The following GRIN2A variants were observed in gnomAD, a reference collection of about 807,000 sequenced individuals.
GRIN2A encodes the protein glutamate receptor ionotropic, NMDA 2A.
Under a neutral mutation model 113.4 loss-of-function variants are expected in GRIN2A, and 22 were observed. The observed-to-expected ratio is 0.19, with a 90% CI of 0.14 to 0.28. GRIN2A has a LOEUF of 0.28. Among genes scored for constraint, GRIN2A ranks in the 10% least tolerant of loss-of-function variants. The probability of loss-of-function intolerance (pLI) is 1.00; values close to 1 mark genes in which losing one functional copy is unlikely to be tolerated. For missense variants in GRIN2A, 1,502 were observed against 1,887.0 expected, an observed-to-expected ratio of 0.80 and a Z score of 3.78; for synonymous variants, 827 against 738.4, an observed-to-expected ratio of 1.12 and a Z score of -1.94.
chr16:9,794,850 A>G (rs187646815), intron 11 of GRIN2A: 10 of 152,314 alleles, frequency 6.6e-5, no homozygotes, highest in African/African-American at 2.2e-4. Context: ...TGACTACATT[A>G]TTGCCAGTGC....
intron 2 of GRIN2A, among the ~76,000 whole-genome samples, chr16:9,948,953 G>A (rs2045097434): frequency 6.6e-6 from 1 of 152,128 alleles, no homozygotes; most frequent in African/African-American, 2.4e-5. Context: ...TCTATAAAAT[G>A]GACCTGGCAG....
At chr16:10,056,464 T>G (rs1364097280) in intron 2 of GRIN2A, among the ~76,000 whole-genome samples, 1 of 152,216 alleles carries the variant, frequency 6.6e-6, no homozygotes, top group Non-Finnish European at 1.5e-5. Context: ...CATTGCTTCA[T>G]ACATCCATCT....
At chr16:10,076,489 GAC>G (rs1355661431) in intron 2 of GRIN2A, among the ~76,000 whole-genome samples, 1 of 152,168 alleles carries the variant, frequency 6.6e-6, no homozygotes, top group Non-Finnish European at 1.5e-5. Context: ...GCAGGGTGGA[GAC>G]ACATGTCCGT....
intron 2 of GRIN2A, among the ~76,000 whole-genome samples, chr16:10,144,400 C>T (rs1485229187): frequency 6.6e-6 from 1 of 152,124 alleles, no homozygotes; most frequent in Non-Finnish European, 1.5e-5. Flanking sequence ...TGTTGCATCT[C>T]CCTGATGATT....
chr16:9,766,484 G>A (rs1481853358), intron 12 of GRIN2A, among the ~76,000 whole-genome samples: 1 of 152,174 alleles, frequency 6.6e-6, no homozygotes, highest in African/African-American at 2.4e-5. Context: ...TTCATGGTTG[G>A]TGAAGGCCCC....
chr16:10,132,708 CG>C (rs1258055415), intron 2 of GRIN2A, among the ~76,000 whole-genome samples: 1 of 152,170 alleles, frequency 6.6e-6, no homozygotes, highest in East Asian at 1.9e-4. Context: ...GAATTTAGTA[CG>C]TATGTCCTAA....
intron 2 of GRIN2A, among the ~76,000 whole-genome samples, chr16:10,004,491 T>G (rs547918540): frequency 5.3e-5 from 8 of 152,178 alleles, no homozygotes; most frequent in Non-Finnish European, 1.2e-4. Flanking sequence ...CTTAGAGTCA[T>G]GGATGTCAGA....
intron 2 of GRIN2A, chr16:10,171,512 A>T (rs1232280754): frequency 6.6e-6 from 1 of 152,204 alleles, no homozygotes; most frequent in Non-Finnish European, 1.5e-5. Context: ...TTGCCAGGAT[A>T]AAGCTCTCAG....
At position 9,772,177 on chromosome 16, in the gene GRIN2A, C is replaced by T. The variant is rs930518519; in HGVS notation, c.2357-3088G>A. ...TTCTTCCAACAGCCTCCCATGCTTT[C>T]GCACAGTCACAAAGTCATGGGAGAC... On this transcript the variant is annotated intron_variant, in intron 11 of 12. Transcript: ENST00000330684. Among the ~76,000 whole-genome samples, 7 of 152,146 alleles carry T rather than the reference C, an allele frequency of 4.6e-5. No homozygotes were observed. In the South Asian group the frequency reaches 6.2e-4, roughly 14 times the overall value.
At chr16:9,830,364 C>T (rs936956285) in intron 8 of GRIN2A, among the ~76,000 whole-genome samples, 1 of 151,920 alleles carries the variant, frequency 6.6e-6, no homozygotes, top group Admixed American at 6.6e-5. Context: ...CTTAAATGTT[C>T]CTTGCAACAG....
intron 2 of GRIN2A, among the ~76,000 whole-genome samples, chr16:10,171,047 A>C (rs1389754178): frequency 2.0e-5 from 3 of 152,198 alleles, no homozygotes; most frequent in Admixed American, 2.0e-4. Context: ...TCCATCATCC[A>C]ACATCTTAAT....
chr16:9,768,635 C>T (rs1596382285), intron 12 of GRIN2A, among the ~76,000 whole-genome samples: 1 of 152,146 alleles, frequency 6.6e-6, no homozygotes, highest in South Asian at 2.1e-4. Context: ...TCTCATGTCC[C>T]GCCTGCTGCA....
At chr16:9,788,022 G>A (rs1358879931) in intron 11 of GRIN2A, among the ~76,000 whole-genome samples, 1 of 152,136 alleles carries the variant, frequency 6.6e-6, no homozygotes, top group East Asian at 1.9e-4. Context: ...CACCGGAGCC[G>A]AGGAGAAGCA....
At chr16:9,960,717 T>G (rs2045421466) in intron 2 of GRIN2A, among the ~76,000 whole-genome samples, 2 of 152,208 alleles carry the variant, frequency 1.3e-5, no homozygotes, top group Admixed American at 6.5e-5. Context: ...CTCTGCCTCC[T>G]GGGCTCAAAC....
chr16:9,940,685 T>G (rs957519418), intron 2 of GRIN2A, among the ~76,000 whole-genome samples: 2 of 152,146 alleles, frequency 1.3e-5, no homozygotes, highest in African/African-American at 4.8e-5. Context: ...GTGTGGATTC[T>G]GAATATTGTG....
chr16:10,021,095 G>A (rs2046711961), intron 2 of GRIN2A, among the ~76,000 whole-genome samples: 1 of 152,212 alleles, frequency 6.6e-6, no homozygotes, highest in Non-Finnish European at 1.5e-5. Context: ...GCAGGTGACT[G>A]GCAGAATCCC....
intron 2 of GRIN2A, among the ~76,000 whole-genome samples, chr16:10,160,278 T>A (rs1246536089): frequency 6.6e-6 from 1 of 152,284 alleles, no homozygotes; most frequent in Middle Eastern, 3.4e-3. Context: ...TATAGAATGA[T>A]GAAGTCATCA....
intron 11 of GRIN2A, among the ~76,000 whole-genome samples, chr16:9,787,467 T>A (rs955130702): frequency 5.9e-5 from 9 of 152,208 alleles, no homozygotes; most frequent in Admixed American, 2.0e-4. Context: ...CTCACAGGTA[T>A]TGATTGATGT....
chr16:10,169,018 A>T (rs978205671), intron 2 of GRIN2A, among the ~76,000 whole-genome samples: 9 of 136,894 alleles, frequency 6.6e-5, no homozygotes, highest in African/African-American at 1.4e-4. Context: ...TAATAATAAT[A>T]ATTTCACTCT....
Sources: gnomAD v4.1 joint callset for allele counts (sites outside exome capture counted in the v4.1 genomes callset) on GRCh38, gnomAD v4.1.1 for gene constraint, MANE v1.5 for transcripts, NCBI Gene and HGNC (gene_info 2026-07-23, HGNC 2026-07-21) for gene names.